FHIT: variants seen among roughly 807,000 people sequenced by gnomAD.
The protein encoded by FHIT is fragile histidine triad diadenosine triphosphatase.
FHIT carries 19 observed loss-of-function variants against 17.9 expected under a neutral mutation model. That is an observed-to-expected ratio of 1.06 (90% CI 0.74 to 1.56). The LOEUF is 1.56. Among genes scored for constraint, FHIT ranks in the 40% most tolerant of loss-of-function variants. The pLI, the probability that FHIT is intolerant of heterozygous loss-of-function variation, is 0.00. For synonymous variants in FHIT, 81 were observed against 69.7 expected, an observed-to-expected ratio of 1.16 and a Z score of -0.81; for missense variants, 248 against 189.2, an observed-to-expected ratio of 1.31 and a Z score of -1.82.
At chr3:60,536,670 T>C in intron 5 of FHIT, 190 bp downstream of exon 5, 3 of 519,640 alleles carry the variant, frequency 5.8e-6, no homozygotes, top group Non-Finnish European at 6.3e-6. Context: ...AGCATATTAC[T>C]GGTGCCACCA....
chr3:60,916,851 T>C (rs1331908742), intron 3 of FHIT, among the ~76,000 whole-genome samples: 1 of 152,158 alleles, frequency 6.6e-6, no homozygotes, highest in African/African-American at 2.4e-5. Context: ...AAGTTTGTAA[T>C]ATAAAGTGGA....
intron 5 of FHIT, among the ~76,000 whole-genome samples, chr3:60,275,612 G>A (rs141845879): frequency 4.3e-4 from 66 of 152,164 alleles, no homozygotes; most frequent in African/African-American, 1.5e-3. Context: ...CACAGATGTT[G>A]TCTTAGTCAA....
chr3:60,656,455 G>A lies in FHIT; in HGVS notation c.-17-119476C>T, dbSNP rs566766034. 2.6e-5 allele frequency among the ~76,000 whole-genome samples: 4 copies of A among 152,290 alleles called. No homozygotes were observed. In the South Asian group the frequency reaches 8.3e-4, roughly 32 times the overall value. On this transcript the variant is annotated intron_variant, in intron 4 of 9. Coordinates refer to ENST00000492590, the MANE Select transcript of FHIT (RefSeq NM_002012.4). Reference sequence around the variant, plus strand: ...CTGCTACCATGGGCCAAGATAGCAAGTATGAGGACGCCCGCACCCAAATGA... The same window carrying A: ...CTGCTACCATGGGCCAAGATAGCAAATATGAGGACGCCCGCACCCAAATGA...
intron 8 of FHIT, among the ~76,000 whole-genome samples, chr3:59,777,462 G>C (rs1575477765): frequency 6.6e-6 from 1 of 151,914 alleles, no homozygotes; most frequent in East Asian, 1.9e-4. Context: ...GGTTACTCGA[G>C]CCAAAAACCA....
chr3:60,244,345 G>A (rs17397822), intron 5 of FHIT, among the ~76,000 whole-genome samples: 1 of 151,910 alleles, frequency 6.6e-6, no homozygotes, highest in African/African-American at 2.4e-5. Context: ...AAGGATAAAA[G>A]GTCACACAAT....
intron 3 of FHIT, among the ~76,000 whole-genome samples, chr3:60,887,117 C>T (rs893693890): frequency 2.0e-5 from 3 of 152,074 alleles, no homozygotes; most frequent in African/African-American, 7.2e-5. Flanking sequence ...GGTATTCTTC[C>T]TTTTGCAACT....
At chr3:60,344,653 C>A (rs1353919620) in intron 5 of FHIT, among the ~76,000 whole-genome samples, 1 of 152,142 alleles carries the variant, frequency 6.6e-6, no homozygotes, top group Non-Finnish European at 1.5e-5. Flanking sequence ...CGCCTCCAAA[C>A]TTGTTAGAAG....
At chr3:61,054,975 G>A (rs560580033) in intron 2 of FHIT, among the ~76,000 whole-genome samples, 10 of 152,082 alleles carry the variant, frequency 6.6e-5, no homozygotes, top group African/African-American at 9.7e-5. Context: ...TCAGTTCAAC[G>A]TTATACCTCA....
intron 5 of FHIT, among the ~76,000 whole-genome samples, chr3:60,301,616 G>A (rs1708461070): frequency 6.6e-6 from 1 of 152,114 alleles, no homozygotes. Context: ...AGTTTCCCTG[G>A]TGTTGGTTCA....
intron 5 of FHIT, among the ~76,000 whole-genome samples, chr3:60,391,896 A>T (rs1701246712): frequency 6.6e-6 from 1 of 151,704 alleles, no homozygotes; most frequent in Admixed American, 6.6e-5. Flanking sequence ...ATGCTAATTA[A>T]CTCTTGGCTG....
At chr3:60,664,049 G>C (rs1312008375) in intron 4 of FHIT, among the ~76,000 whole-genome samples, 2 of 152,100 alleles carry the variant, frequency 1.3e-5, no homozygotes, top group African/African-American at 2.4e-5. Flanking sequence ...TAAAAGTCAT[G>C]AGAGTGAACC....
chr3:61,187,439 T>G (rs569888405), intron 2 of FHIT, among the ~76,000 whole-genome samples: 1 of 152,186 alleles, frequency 6.6e-6, no homozygotes, highest in African/African-American at 2.4e-5. Context: ...AGCAAGCCCT[T>G]AGAGACCTAT....
intron 5 of FHIT, among the ~76,000 whole-genome samples, chr3:60,369,453 T>G (rs1700236777): frequency 6.6e-6 from 1 of 152,234 alleles, no homozygotes; most frequent in Admixed American, 6.5e-5. Flanking sequence ...GCTTGTTTTC[T>G]TCATTAGTTG....
intron 4 of FHIT, among the ~76,000 whole-genome samples, chr3:60,571,336 A>AATT (rs1491112807): frequency 4.5e-5 from 1 of 22,078 alleles, no homozygotes; most frequent in Non-Finnish European, 9.3e-5. Flanking sequence ...ACTCCATCGC[A>AATT]AAAAAAAAAA....
intron 3 of FHIT, among the ~76,000 whole-genome samples, chr3:60,903,675 A>C (rs1706238940): frequency 6.6e-6 from 1 of 152,246 alleles, no homozygotes; most frequent in Non-Finnish European, 1.5e-5. Context: ...GTAATAAATG[A>C]AGTTGCACTA....
chr3:60,647,328 G>A (rs2039884342), intron 4 of FHIT, among the ~76,000 whole-genome samples: 1 of 152,204 alleles, frequency 6.6e-6, no homozygotes, highest in South Asian at 2.1e-4. Flanking sequence ...TGGGGTGAGA[G>A]ATTAGACTTT....
At chr3:60,810,754 T>A (rs1553735818) in intron 4 of FHIT, among the ~76,000 whole-genome samples, 2 of 152,178 alleles carry the variant, frequency 1.3e-5, no homozygotes. Flanking sequence ...GTTCTCTGGA[T>A]GTTGTCAGGG....
chr3:60,742,989 C>A (rs532373940), intron 4 of FHIT, among the ~76,000 whole-genome samples: 7 of 152,238 alleles, frequency 4.6e-5, no homozygotes, highest in African/African-American at 1.7e-4. Flanking sequence ...TGACAACACC[C>A]AGGCTTGGTT....
At chr3:60,146,621 G>C (rs1004424251) in intron 5 of FHIT, among the ~76,000 whole-genome samples, 5 of 152,138 alleles carry the variant, frequency 3.3e-5, no homozygotes, top group African/African-American at 4.8e-5. Flanking sequence ...AGAGAGAATG[G>C]GGGTAGCTAC....
Sources: gnomAD v4.1 joint callset for allele counts (sites outside exome capture counted in the v4.1 genomes callset) on GRCh38, gnomAD v4.1.1 for gene constraint, MANE v1.5 for transcripts, NCBI Gene and HGNC (gene_info 2026-07-23, HGNC 2026-07-21) for gene names.